DESI1: variants seen among roughly 807,000 people sequenced by gnomAD.
The protein encoded by DESI1 is desumoylating isopeptidase 1, also known as PPPDE peptidase domain containing 2.
Under a neutral mutation model 22.4 loss-of-function variants are expected in DESI1, and 17 were observed. The ratio of observed to expected loss-of-function variants is 0.76; its 90% CI spans 0.52 to 1.14. The LOEUF (loss-of-function observed/expected upper bound fraction) is 1.14. Ranked by LOEUF, DESI1 falls within the 50% of genes most tolerant of loss-of-function variation. The probability of loss-of-function intolerance (pLI) is 0.00; values close to 1 mark genes in which losing one functional copy is unlikely to be tolerated. For synonymous variants in DESI1, 92 were observed against 84.2 expected, an observed-to-expected ratio of 1.09 and a Z score of -0.51; for missense variants, 177 against 208.9, an observed-to-expected ratio of 0.85 and a Z score of 0.94.
In DESI1 at chr22:41,598,679, G is replaced by A. The variant is rs1168312107; in HGVS notation, c.*2418C>T. ...TGTGATGCCCAGAACCCCCTGGATG[G>A]AGGGGAGACCCCAGGCAGAGGGGTC... On this transcript the variant is annotated 3_prime_UTR_variant, in exon 6 of 6. Coordinates refer to ENST00000263256, the MANE Select transcript of DESI1 (RefSeq NM_015704.3). 2 of 152,364 alleles carry A rather than the reference G, an allele frequency of 1.3e-5. No homozygotes were observed. Among genetic ancestry groups the A allele is most frequent in the Admixed American group, 1.3e-4 (2 of 15,288 alleles). The allele number at this position is 152,364 out of a possible 1,614,324, so 9.4% of individuals were successfully genotyped here.
At chr22:41,602,848 T>A in intron 5 of DESI1, 2 of 1,058,816 alleles carry the variant, frequency 1.9e-6, no homozygotes, top group Non-Finnish European at 2.3e-6. Context: ...TGGTGCAGTG[T>A]AAGGCAAATC....
At chr22:41,611,983 G>A (rs1469556363) in intron 1 of DESI1, among the ~76,000 whole-genome samples, 1 of 152,126 alleles carries the variant, frequency 6.6e-6, no homozygotes, top group Non-Finnish European at 1.5e-5. Context: ...AAGAACACAG[G>A]TTCTGGTGTA....
rs148046295 is a variant in DESI1 at position 41,602,552 on chromosome 22, TC to T, written c.413+706del. 2.2e-4 allele frequency: 216 copies of T among 985,512 alleles called. No individual in the cohort carries two copies. In the African/African-American group the frequency reaches 3.6e-3, roughly 17 times the overall value. 61.0% of individuals were successfully genotyped at this position (985,512 alleles called of 1,614,324 possible). A position where few individuals can be genotyped will look rare whatever the true frequency, so the allele number is the denominator to read the frequency against. ...GATCTCTGTTAAATAAGGCCATAGT[TC>T]AGGAGAAACTGAGTCAGAATAAGCA... On this transcript the variant is annotated intron_variant, in intron 5 of 5. Coordinates refer to ENST00000263256, the MANE Select transcript of DESI1 (RefSeq NM_015704.3).
exon 1 of DESI1, chr22:41,621,036 ACAGAGAGGGGACAGGGAGGGC>A: frequency 1.7e-6 from 1 of 598,410 alleles, no homozygotes; most frequent in South Asian, 2.1e-5. Context: ...CTGTGAGGTG[ACAGAGAGGGGACAGGGAGGGC>A]CCACACGGAA....
rs776291895 is a variant in DESI1 at position 41,607,326 on chromosome 22, G to C, written c.116C>G (p.Thr39Arg). 1 of 1,611,542 alleles carries C rather than the reference G, an allele frequency of 6.2e-7. No individual in the cohort carries two copies. The change falls in exon 3 of 6, where the codon ACA (threonine) becomes AGA (arginine). Residue 39 changes from threonine (T) to arginine (R), a missense_variant. Coordinates refer to ENST00000263256, the MANE Select transcript of DESI1 (RefSeq NM_015704.3). ...CTCATCCTTGTGCACAACTATGGAT[G>C]TGTGCCTGTCACACAGAGAGAGACA... is the stretch of plus-strand genomic sequence containing the variant. ...LGKQLEGIWH[T>R]SIVVHKDEFF...
chr22:41,604,647 C>T (rs2067468816), intron 3 of DESI1, among the ~76,000 whole-genome samples: 1 of 151,902 alleles, frequency 6.6e-6, no homozygotes. Context: ...GTGTCCAATC[C>T]TTTGGCTTCC....
chr22:41,604,253 T>G, intron 3 of DESI1, 100 bp from the exon 4 acceptor site: 1 of 421,824 alleles, frequency 2.4e-6, no homozygotes, highest in Non-Finnish European at 3.1e-6. Flanking sequence ...GTTCTGACTT[T>G]TTTTTTTTTT....
chr22:41,602,906 G>A, intron 5 of DESI1: 2 of 745,570 alleles, frequency 2.7e-6, no homozygotes, highest in Non-Finnish European at 3.5e-6. Flanking sequence ...CCCCCTCTCT[G>A]CTTGTCTAAC....
intron 1 of DESI1, among the ~76,000 whole-genome samples, chr22:41,610,839 C>G (rs1441447438): frequency 1.3e-5 from 2 of 150,548 alleles, no homozygotes; most frequent in Non-Finnish European, 2.9e-5. Context: ...CGCCATTGTA[C>G]TCCAGCCTGG....
At chr22:41,617,773 T>G (rs1003291873) in intron 1 of DESI1, among the ~76,000 whole-genome samples, 1 of 152,218 alleles carries the variant, frequency 6.6e-6, no homozygotes, top group Non-Finnish European at 1.5e-5. Flanking sequence ...GATGTTCCCA[T>G]GTTTGGCTGA....
chr22:41,607,912 C>T (rs1338889381), intron 1 of DESI1, 51 bp from the exon 2 acceptor site: 1 of 1,606,522 alleles, frequency 6.2e-7, no homozygotes, highest in Admixed American at 1.7e-5. Context: ...TAAGTGGCCC[C>T]TCAGCCTTGG....
intron 1 of DESI1, among the ~76,000 whole-genome samples, chr22:41,610,598 A>G (rs1419353699): frequency 1.3e-5 from 2 of 152,160 alleles, no homozygotes; most frequent in Non-Finnish European, 2.9e-5. Context: ...GCTTTTCACC[A>G]AGAGATCTGC....
chr22:41,603,836 C>T (rs1342857780), intron 4 of DESI1, among the ~76,000 whole-genome samples: 2 of 152,190 alleles, frequency 1.3e-5, no homozygotes, highest in Non-Finnish European at 2.9e-5. Context: ...AAAATTTCGG[C>T]AGAAAGTATG....
rs570376541 is a variant in DESI1, at chr22:41,600,849, C to T, written c.*248G>A. On this transcript the variant is annotated 3_prime_UTR_variant, in exon 6 of 6. Transcript: ENST00000263256. ...TGGAGGACGCTTAGGAAACAGCATC[C>T]GAAGTGAACGCACAGACAAGACAGC... The T allele has an allele frequency of 7.7e-5, 33 of 429,154 alleles. No homozygotes were observed. Among genetic ancestry groups the T allele is most frequent in the Middle Eastern group, 6.6e-4 (1 of 1,508 alleles). 26.6% of individuals were successfully genotyped at this position (429,154 alleles called of 1,614,324 possible).
intron 3 of DESI1, among the ~76,000 whole-genome samples, chr22:41,606,222 C>T (rs962468664): frequency 9.2e-5 from 14 of 151,770 alleles, no homozygotes; most frequent in Admixed American, 7.9e-4. Context: ...AATAGCAGGG[C>T]GTGGTGGTGC....
chr22:41,604,819 G>A (rs962508171), intron 3 of DESI1, among the ~76,000 whole-genome samples: 2 of 152,022 alleles, frequency 1.3e-5, no homozygotes, highest in Non-Finnish European at 2.9e-5. Context: ...CCTGGGCTGC[G>A]TATGGCCCAC....
At chr22:41,605,829 T>C (rs1176021540) in intron 3 of DESI1, among the ~76,000 whole-genome samples, 1 of 152,158 alleles carries the variant, frequency 6.6e-6, no homozygotes, top group Non-Finnish European at 1.5e-5. Context: ...ACAGTACGTA[T>C]GACAGGAGAC....
chr22:41,603,004 A>C, intron 5 of DESI1: 1 of 613,274 alleles, frequency 1.6e-6, no homozygotes, highest in African/African-American at 1.9e-5. Context: ...CAAGTACTGA[A>C]GCCAGTGTCA....
intron 1 of DESI1, among the ~76,000 whole-genome samples, chr22:41,612,284 G>A (rs1407490699): frequency 3.9e-5 from 6 of 152,042 alleles, no homozygotes; most frequent in African/African-American, 1.4e-4. Context: ...AGAGGCGGGC[G>A]GATCACCTGA....
Sources: gnomAD v4.1 joint callset for allele counts (sites outside exome capture counted in the v4.1 genomes callset) on GRCh38, gnomAD v4.1.1 for gene constraint, MANE v1.5 for transcripts, NCBI Gene and HGNC (gene_info 2026-07-23, HGNC 2026-07-21) for gene names.